Variants in EHF observed in about 807,000 individuals in gnomAD.
EHF encodes the protein ESE3 transcription factor.
Under a neutral mutation model 45.1 loss-of-function variants are expected in EHF, and 14 were observed. The ratio of observed to expected loss-of-function variants is 0.31; its 90% confidence interval spans 0.21 to 0.49. EHF has a LOEUF of 0.49. EHF is among the 20% of genes least tolerant of loss of function. The pLI, the probability that EHF is intolerant of heterozygous loss-of-function variation, is 0.99. For synonymous variants in EHF, 136 were observed against 131.8 expected, an observed-to-expected ratio of 1.03 and a Z score of -0.22; for missense variants, 282 against 371.4, an observed-to-expected ratio of 0.76 and a Z score of 1.98.
At chr11:34,622,936 C>T (rs443816) in intron 1 of EHF, among the ~76,000 whole-genome samples, 53,201 of 152,012 alleles carry the variant, frequency 0.35, 9,639 homozygotes, top group African/African-American at 0.44. Context: ...CTTACATGAC[C>T]GCGCAAGATG....
intron 1 of EHF, chr11:34,632,770 T>A: frequency 8.1e-7 from 1 of 1,238,514 alleles, no homozygotes; most frequent in Non-Finnish European, 1.1e-6. Flanking sequence ...CCACTATTAT[T>A]TTGGAAGCCG....
intron 1 of EHF, chr11:34,632,669 T>A: frequency 6.5e-7 from 1 of 1,535,470 alleles, no homozygotes; most frequent in Non-Finnish European, 8.7e-7. Flanking sequence ...CATTCTCAAA[T>A]GCCAGAGAGG....
At position 34,646,690 on chromosome 11, in the gene EHF, T is replaced by C; in HGVS notation, c.343+6T>C. On this transcript the variant is annotated splice_donor_region_variant and intron_variant, in intron 3 of 8. Transcript: ENST00000257831. ...GCAGCATCTGAAGTGGAACGGTGAC[T>C]CTCTCTTTCTGTGTCTCTCCCTACC... The C allele has an allele frequency of 6.2e-7, 1 of 1,606,888 alleles. No homozygotes were observed. The highest frequency in any genetic ancestry group is 8.5e-7 in the Non-Finnish European group (1 of 1,179,928).
At chr11:34,630,890 C>G (rs1168896679) in intron 1 of EHF, among the ~76,000 whole-genome samples, 1 of 152,134 alleles carries the variant, frequency 6.6e-6, no homozygotes, top group Non-Finnish European at 1.5e-5. Flanking sequence ...CCCCCTCCCC[C>G]ATGAAGCCAG....
chr11:34,635,570 G>A (rs1023398994), intron 1 of EHF, among the ~76,000 whole-genome samples: 1 of 149,868 alleles, frequency 6.7e-6, no homozygotes, highest in African/African-American at 2.5e-5. Context: ...TCCTGCCTCA[G>A]CCTCCCAAGT....
At chr11:34,625,564 C>T (rs1852309941) in intron 1 of EHF, among the ~76,000 whole-genome samples, 1 of 152,218 alleles carries the variant, frequency 6.6e-6, no homozygotes, top group Non-Finnish European at 1.5e-5. Flanking sequence ...AGCAGCCTAA[C>T]CTGGAGACCC....
intron 1 of EHF, among the ~76,000 whole-genome samples, chr11:34,629,682 C>G (rs183311308): frequency 6.6e-6 from 1 of 152,100 alleles, no homozygotes; most frequent in Non-Finnish European, 1.5e-5. Flanking sequence ...GACTTTTCCT[C>G]GATTTCTTTG....
intron 1 of EHF, among the ~76,000 whole-genome samples, chr11:34,630,070 A>G (rs1246518846): frequency 1.3e-5 from 2 of 152,206 alleles, no homozygotes; most frequent in Non-Finnish European, 1.5e-5. Flanking sequence ...ATATTAGGGT[A>G]CAAGGATGAT....
At chr11:34,651,157 C>A (rs902092822) in intron 4 of EHF, among the ~76,000 whole-genome samples, 102 of 148,322 alleles carry the variant, frequency 6.9e-4, no homozygotes, top group African/African-American at 2.5e-3. Flanking sequence ...TAATCCCTAA[C>A]AAGGCCTTCC....
intron 3 of EHF, 65 bp downstream of exon 3, chr11:34,646,749 G>T (rs906351558): frequency 1.5e-5 from 24 of 1,581,524 alleles, no homozygotes; most frequent in Non-Finnish European, 2.0e-5. Context: ...TAGAGATTCT[G>T]CAGATGACAG....
chr11:34,643,768 G>T (rs1294871173), intron 2 of EHF, among the ~76,000 whole-genome samples: 1 of 152,154 alleles, frequency 6.6e-6, no homozygotes, highest in Non-Finnish European at 1.5e-5. Flanking sequence ...ACCCTGTGAG[G>T]ACCCAGAAAG....
rs71041935 is a variant in EHF, at chr11:34,646,027, GGTGTGTGTGTGTGT to G, written c.98-385_98-372del. On this transcript the variant is annotated intron_variant, in intron 2 of 8. Coordinates refer to ENST00000257831, the MANE Select transcript of EHF (RefSeq NM_012153.6). Reference sequence around the variant, plus strand: ...TAGTTGAAAATGGTCTGAGTTTGGTGGTGTGTGTGTGTGTGTGTGTGTGTGTGTGTGTGTGTGTG... The same window carrying G: ...TAGTTGAAAATGGTCTGAGTTTGGTGGTGTGTGTGTGTGTGTGTGTGTGTG... Among the ~76,000 whole-genome samples, 177 of 144,326 alleles carry G rather than the reference GGTGTGTGTGTGTGT, an allele frequency of 1.2e-3. 1 individual carries two copies. The highest frequency in any genetic ancestry group is 3.8e-3 in the African/African-American group (150 of 39,098). 94.7% of individuals were successfully genotyped at this position (144,326 alleles called of 152,430 possible).
intron 1 of EHF, among the ~76,000 whole-genome samples, chr11:34,639,416 AAG>A (rs1853764347): frequency 6.6e-6 from 1 of 152,208 alleles, no homozygotes; most frequent in Admixed American, 6.5e-5. Context: ...TCGTTATAAT[AAG>A]GTTTTTTTAC....
chr11:34,633,070 G>A, intron 1 of EHF, among the ~76,000 whole-genome samples: 1 of 152,162 alleles, frequency 6.6e-6, no homozygotes, highest in East Asian at 1.9e-4. Flanking sequence ...AGGGTGGCTT[G>A]GCCAGCCTTG....
chr11:34,623,252 A>G (rs1852106197), intron 1 of EHF, among the ~76,000 whole-genome samples: 1 of 151,936 alleles, frequency 6.6e-6, no homozygotes, highest in African/African-American at 2.4e-5. Context: ...TGCCCAGTTA[A>G]GTTTTGTATT....
chr11:34,649,706 C>A (rs1234608461), intron 4 of EHF, among the ~76,000 whole-genome samples: 1 of 152,182 alleles, frequency 6.6e-6, no homozygotes. Context: ...CTAAATCTCT[C>A]TCCTGGAGAC....
In EHF at chr11:34,659,774, T is replaced by C. The variant is rs1247953995; in HGVS notation, c.*843T>C. 1 of 152,174 alleles carries C rather than the reference T, an allele frequency of 6.6e-6. No individual in the cohort carries two copies. Among genetic ancestry groups the C allele is most frequent in the East Asian group, 1.9e-4 (1 of 5,204 alleles). The allele number at this position is 152,174 out of a possible 1,614,324, so 9.4% of individuals were successfully genotyped here. A position where few individuals can be genotyped will look rare whatever the true frequency, so the allele number is the denominator to read the frequency against. The stretch of plus-strand genomic sequence containing the variant: ...GTGTGGAAATGGCTGAAGAGTTTGC[T>C]CTTGTATCCCTATAGTCCAAGGTTT... On this transcript the variant is annotated 3_prime_UTR_variant, in exon 9 of 9. Coordinates refer to ENST00000257831, the MANE Select transcript of EHF (RefSeq NM_012153.6).
At chr11:34,656,782 A>T in intron 6 of EHF, 126 bp from the exon 7 acceptor site, 1 of 1,019,902 alleles carries the variant, frequency 9.8e-7, no homozygotes, top group Non-Finnish European at 1.4e-6. Flanking sequence ...GTTCACTAGC[A>T]CATACTCAAA....
At chr11:34,626,156 C>T in intron 1 of EHF, among the ~76,000 whole-genome samples, 1 of 152,140 alleles carries the variant, frequency 6.6e-6, no homozygotes, top group Non-Finnish European at 1.5e-5. Context: ...AATTTCATAG[C>T]TGCTTTTCCA....
Sources: allele counts gnomAD v4.1 joint callset (sites outside exome capture counted in the v4.1 genomes callset), GRCh38; gene constraint gnomAD v4.1.1; transcripts MANE v1.5; gene names NCBI Gene and HGNC (gene_info 2026-07-23, HGNC 2026-07-21).